BACH2: variants seen among roughly 807,000 people sequenced by gnomAD.
BACH2 encodes the protein transcription regulator protein BACH2.
In BACH2, 5 loss-of-function variants were observed where a neutral mutation model predicts 61.8. The ratio of observed to expected loss-of-function variants is 0.08; its 90% CI spans 0.04 to 0.17. The LOEUF is 0.17. BACH2 is among the 10% of genes least tolerant of loss of function. The pLI is 1.00. For missense variants in BACH2, 824 were observed against 1,091.1 expected (o/e 0.76, Z 3.45); for synonymous variants, 446 against 440.1 (o/e 1.01, Z -0.17).
chr6:90,130,364 C>T (rs1784038462), intron 4 of BACH2, among the ~76,000 whole-genome samples: 1 of 152,204 alleles, frequency 6.6e-6, no homozygotes, highest in Non-Finnish European at 1.5e-5. Context: ...ACTGGTCCTA[C>T]CTGATTAGGG....
intron 4 of BACH2, among the ~76,000 whole-genome samples, chr6:90,152,377 G>A (rs575908556): frequency 3.3e-5 from 5 of 152,190 alleles, no homozygotes; most frequent in Non-Finnish European, 7.3e-5. Flanking sequence ...CAGTGACTGT[G>A]TATGGTAAAA....
intron 6 of BACH2, among the ~76,000 whole-genome samples, chr6:89,991,115 T>A (rs1021925807): frequency 6.6e-6 from 1 of 152,250 alleles, no homozygotes; most frequent in South Asian, 2.1e-4. Flanking sequence ...ACAATACTTG[T>A]AGGCCCATAA....
intron 3 of BACH2, among the ~76,000 whole-genome samples, chr6:90,216,111 C>T (rs1769527313): frequency 6.6e-6 from 1 of 152,226 alleles, no homozygotes; most frequent in Non-Finnish European, 1.5e-5. Flanking sequence ...CGTTCTCCGA[C>T]AGCAAGCAGC....
chr6:90,268,763 G>C (rs2127880068), intron 2 of BACH2, among the ~76,000 whole-genome samples: 1 of 152,152 alleles, frequency 6.6e-6, no homozygotes, highest in East Asian at 1.9e-4. Context: ...TGTTCATAAT[G>C]ATAAAACATA....
At chr6:90,129,832 C>T (rs1249068831) in intron 4 of BACH2, among the ~76,000 whole-genome samples, 2 of 151,894 alleles carry the variant, frequency 1.3e-5, no homozygotes, top group East Asian at 3.9e-4. Flanking sequence ...TGAGACTTTG[C>T]TGAAGTTGCT....
At chr6:90,254,289 G>T (rs935284659) in intron 2 of BACH2, among the ~76,000 whole-genome samples, 2 of 151,852 alleles carry the variant, frequency 1.3e-5, no homozygotes, top group South Asian at 4.2e-4. Context: ...ATTTGTTCAT[G>T]AAAAAATGAG....
At chr6:90,195,987 C>T (rs1768745290) in intron 4 of BACH2, among the ~76,000 whole-genome samples, 1 of 152,160 alleles carries the variant, frequency 6.6e-6, no homozygotes, top group Admixed American at 6.5e-5. Flanking sequence ...TTAACTTATT[C>T]CTACCTTGTT....
chr6:90,212,442 G>A (rs1769387679), intron 3 of BACH2, among the ~76,000 whole-genome samples: 1 of 152,182 alleles, frequency 6.6e-6, no homozygotes, highest in Non-Finnish European at 1.5e-5. Flanking sequence ...AGTTACAGCA[G>A]ATGTGTGGCT....
chr6:90,037,812 T>C (rs1054288345), intron 5 of BACH2, among the ~76,000 whole-genome samples: 2 of 152,202 alleles, frequency 1.3e-5, no homozygotes, highest in Non-Finnish European at 2.9e-5. Context: ...TGGAGTAGGG[T>C]AGGCCTCTCA....
intron 5 of BACH2, among the ~76,000 whole-genome samples, chr6:90,027,794 C>T (rs781480719): frequency 8.5e-5 from 13 of 152,182 alleles, no homozygotes; most frequent in East Asian, 5.8e-4. Flanking sequence ...GAGGATTAAA[C>T]GAGATGAAGC....
At chr6:89,989,515 C>CT (rs1279684311) in intron 6 of BACH2, among the ~76,000 whole-genome samples, 1 of 152,100 alleles carries the variant, frequency 6.6e-6, no homozygotes, top group Non-Finnish European at 1.5e-5. Context: ...CTCCCTTCTG[C>CT]TTAGGTGGTG....
At chr6:90,112,837 G>C (rs1783233907) in intron 4 of BACH2, among the ~76,000 whole-genome samples, 1 of 152,070 alleles carries the variant, frequency 6.6e-6, no homozygotes, top group South Asian at 2.1e-4. Flanking sequence ...AGACCCAATG[G>C]TATGTGGTCT....
Position 90,224,455 on chromosome 6 carries a change from T to C in BACH2, c.-274-17774A>G, listed in dbSNP as rs1388861199. On this transcript the variant is annotated intron_variant, in intron 3 of 8. Transcript: ENST00000257749. ...TTCAATTTATGATCAGGCTGGAATA[T>C]GAAAAATACTGGGATGGAAGTTCCT... Among the ~76,000 whole-genome samples the C allele has an allele frequency of 2.6e-5, 4 of 152,274 alleles. No homozygotes were observed. The East Asian group carries it at 5.8e-4, about 22-fold the overall frequency.
chr6:89,950,746 A>G lies in BACH2; in HGVS notation c.1360T>C (p.Leu454=). The G allele has an allele frequency of 6.2e-7, 1 of 1,614,002 alleles. No individual in the cohort carries two copies. Among genetic ancestry groups the G allele is most frequent in the South Asian group, 1.1e-5 (1 of 91,070 alleles). ...ACCGGCTCAGAGAGGTCTTTGTCCA[A>G]ACTGCTCACCCCAGAATAAGAATGC... The part of the protein sequence containing the change: ...SVHSYSGVSS[L]DKDLSEPVPK... Residue 454 remains leucine (L), a synonymous_variant, in exon 7 of 9, where the codon TTG becomes CTG. Coordinates refer to ENST00000257749, the MANE Select transcript of BACH2 (RefSeq NM_021813.4). This position sits in a 1 kb window ranked among gnomAD's most constrained non-coding sequence, Gnocchi z 5.3.
At chr6:90,278,653 T>C (rs1277356483) in intron 1 of BACH2, among the ~76,000 whole-genome samples, 1 of 152,216 alleles carries the variant, frequency 6.6e-6, no homozygotes, top group African/African-American at 2.4e-5. Flanking sequence ...TGCTACCCAG[T>C]GCTCTACTTT....
In BACH2 at chr6:89,929,867, G is replaced by A. The variant is rs1772541369; in HGVS notation, c.*2541C>T. On this transcript the variant is annotated 3_prime_UTR_variant, in exon 9 of 9. Transcript: ENST00000257749. ...AGAAAGTGTTCTTTTTTTAAAAGAA[G>A]AGGAGAGGTCACTTGGAAAGGCAAC... The A allele has an allele frequency of 6.6e-6, 1 of 152,254 alleles. No homozygotes were observed. Among genetic ancestry groups the A allele is most frequent in the Non-Finnish European group, 1.5e-5 (1 of 68,022 alleles). 9.4% of individuals were successfully genotyped at this position (152,254 alleles called of 1,614,324 possible).
intron 4 of BACH2, among the ~76,000 whole-genome samples, chr6:90,174,547 T>C (rs1231553147): frequency 2.0e-5 from 3 of 151,950 alleles, no homozygotes; most frequent in Non-Finnish European, 4.4e-5. Flanking sequence ...AATTAACATT[T>C]TATGGGTTGG....
intron 3 of BACH2, among the ~76,000 whole-genome samples, chr6:90,251,927 G>A (rs939258751): frequency 5.9e-5 from 9 of 152,094 alleles, no homozygotes; most frequent in African/African-American, 2.2e-4. Flanking sequence ...TCCAGGGGTG[G>A]GAAAGTTCAA....
chr6:90,223,760 C>T (rs1769820802), intron 3 of BACH2, among the ~76,000 whole-genome samples: 1 of 152,164 alleles, frequency 6.6e-6, no homozygotes, highest in Admixed American at 6.5e-5. Flanking sequence ...CAGGTATGAG[C>T]CACCAGGCTC....
Sources: gnomAD v4.1 joint callset for allele counts (sites outside exome capture counted in the v4.1 genomes callset) on GRCh38, gnomAD v4.1.1 for gene constraint, Gnocchi (gnomAD v3.1) non-coding constraint, MANE v1.5 for transcripts, NCBI Gene and HGNC (gene_info 2026-07-23, HGNC 2026-07-21) for gene names.